The following ZNF362 variants were observed in gnomAD, a reference collection of about 807,000 sequenced individuals.
ZNF362 encodes the protein rotund homolog.
ZNF362 carries 11 observed loss-of-function variants against 42.9 expected under a neutral mutation model. That is an observed-to-expected ratio of 0.26 (90% confidence interval 0.16 to 0.42). The LOEUF is 0.42. ZNF362 is among the 20% of genes least tolerant of loss of function. The pLI is 1.00. For missense variants in ZNF362, 362 were observed against 576.2 expected, an observed-to-expected ratio of 0.63 and a Z score of 3.81; for synonymous variants, 255 against 257.3, an observed-to-expected ratio of 0.99 and a Z score of 0.09.
At chr1:33,230,117 A>T in the ZNF362 span, among the ~76,000 whole-genome samples, 1 of 152,166 alleles carries the variant, frequency 6.6e-6, no homozygotes, top group Non-Finnish European at 1.5e-5. Flanking sequence ...ACCTATAACC[A>T]TAGCAGCTGA....
intron 6 of ZNF362, among the ~76,000 whole-genome samples, chr1:33,292,005 A>G (rs1646081907): frequency 1.3e-5 from 2 of 152,210 alleles, no homozygotes; most frequent in Admixed American, 6.5e-5. Context: ...CAGTCATGTC[A>G]TCTGCAAACA....
the ZNF362 span, among the ~76,000 whole-genome samples, chr1:33,245,718 G>A: frequency 6.6e-6 from 1 of 152,146 alleles, no homozygotes; most frequent in Non-Finnish European, 1.5e-5. Flanking sequence ...CGGGAAGATC[G>A]CTTGAGGCCA....
At chr1:33,184,820 A>G in the ZNF362 span, among the ~76,000 whole-genome samples, 2 of 152,018 alleles carry the variant, frequency 1.3e-5, no homozygotes, top group African/African-American at 2.4e-5. Context: ...TCGCTCTGTC[A>G]CCCTGGCTGG....
At chr1:33,167,373 A>G in the ZNF362 span, among the ~76,000 whole-genome samples, 1 of 152,202 alleles carries the variant, frequency 6.6e-6, no homozygotes, top group African/African-American at 2.4e-5. The surrounding 1 kb of genome is among the most constrained non-coding windows in gnomAD (Gnocchi z 4.2). Flanking sequence ...CCAGGGACTC[A>G]GTGATTATTT....
the ZNF362 span, among the ~76,000 whole-genome samples, chr1:33,234,063 T>G: frequency 1.3e-5 from 2 of 152,202 alleles, no homozygotes; most frequent in Admixed American, 1.3e-4. Flanking sequence ...CTTGAAGCAC[T>G]TGCTGTCTGC....
intron 2 of ZNF362, among the ~76,000 whole-genome samples, chr1:33,275,623 T>C (rs1377297033): frequency 6.6e-6 from 1 of 152,210 alleles, no homozygotes; most frequent in Non-Finnish European, 1.5e-5. Context: ...CCCCTGATTT[T>C]GAGAAGGATG....
intron 4 of ZNF362, among the ~76,000 whole-genome samples, chr1:33,278,610 A>G (rs898567555): frequency 6.6e-6 from 1 of 152,250 alleles, no homozygotes; most frequent in Admixed American, 6.5e-5. Flanking sequence ...CCCTAGAGAG[A>G]ACCACAATTA....
At chr1:33,256,052 G>T (rs576996876), upstream of ZNF362, among the ~76,000 whole-genome samples, 182 of 151,780 alleles carry the variant, frequency 1.2e-3, 2 homozygotes, top group African/African-American at 4.2e-3. Context: ...GCTGTCCTAG[G>T]GCCGGGCGCC....
rs1319424107 is a variant in ZNF362, at chr1:33,280,128, G to A, written c.354G>A (p.Leu118=). The A allele has an allele frequency of 1.9e-6, 3 of 1,570,224 alleles. No homozygotes were observed. Among genetic ancestry groups the A allele is most frequent in the Admixed American group, 3.4e-5 (2 of 58,000 alleles). Residue 118 remains leucine, a synonymous_variant, in exon 5 of 9, where the codon CTG becomes CTA. Coordinates refer to ENST00000539719, the MANE Select transcript of ZNF362 (RefSeq NM_152493.3). The surrounding 1 kb of genome is among the most constrained non-coding windows in gnomAD (Gnocchi z 5.6). ...ARPATSTVTG[L]GLSTRTPSVS... ...CCCACCCACCTGTCTTCGCAGGTCTGGGGCTGTCCACCCGGACCCCGTCTG... is the reference window on the plus strand; with the variant it reads ...CCCACCCACCTGTCTTCGCAGGTCTAGGGCTGTCCACCCGGACCCCGTCTG...
chr1:33,140,917 G>A, the ZNF362 span, among the ~76,000 whole-genome samples: 1 of 152,168 alleles, frequency 6.6e-6, no homozygotes, highest in South Asian at 2.1e-4. This position sits in a 1 kb window ranked among gnomAD's most constrained non-coding sequence, Gnocchi z 4.0. Flanking sequence ...GGGGTAGGAG[G>A]AGACACCAGA....
the ZNF362 span, among the ~76,000 whole-genome samples, chr1:33,234,291 G>T: frequency 6.6e-6 from 1 of 152,078 alleles, no homozygotes; most frequent in Non-Finnish European, 1.5e-5. Flanking sequence ...ACTAACACCT[G>T]CCATGAAAGA....
chr1:33,250,478 A>G, the ZNF362 span, among the ~76,000 whole-genome samples: 6 of 152,218 alleles, frequency 3.9e-5, no homozygotes, highest in African/African-American at 1.4e-4. Flanking sequence ...CAGCAAACTA[A>G]TGCAGGAACA....
the ZNF362 span, among the ~76,000 whole-genome samples, chr1:33,205,208 G>C: frequency 6.6e-6 from 1 of 152,146 alleles, no homozygotes; most frequent in African/African-American, 2.4e-5. Flanking sequence ...GAATGGCTGG[G>C]CACAGCGGCT....
At chr1:33,229,348 A>G in the ZNF362 span, among the ~76,000 whole-genome samples, 2 of 151,586 alleles carry the variant, frequency 1.3e-5, no homozygotes, top group African/African-American at 4.9e-5. Flanking sequence ...GAATGAGTGG[A>G]TCCCAGGCAG....
intron 1 of ZNF362, 140 bp from the exon 2 acceptor site, chr1:33,270,347 A>G (rs1645893152): frequency 8.2e-6 from 4 of 489,872 alleles, no homozygotes; most frequent in South Asian, 8.1e-5. Context: ...TCTGTGCTGC[A>G]CGTGCATCTC....
the ZNF362 span, among the ~76,000 whole-genome samples, chr1:33,160,162 A>C: frequency 2.2e-4 from 33 of 152,204 alleles, no homozygotes; most frequent in South Asian, 4.2e-4. Flanking sequence ...CAGGTGAGAA[A>C]ATGAGGCCTG....
chr1:33,148,363 A>G, the ZNF362 span, among the ~76,000 whole-genome samples: 3 of 152,190 alleles, frequency 2.0e-5, no homozygotes, highest in Non-Finnish European at 2.9e-5. Context: ...TTTAATATAT[A>G]CTGAATATTT....
At chr1:33,241,427 A>G in the ZNF362 span, among the ~76,000 whole-genome samples, 4 of 151,042 alleles carry the variant, frequency 2.6e-5, no homozygotes, top group South Asian at 6.3e-4. Flanking sequence ...CCTGTGGGGG[A>G]GGAGGTTGCA....
At chr1:33,143,451 A>G in the ZNF362 span, among the ~76,000 whole-genome samples, 1 of 152,288 alleles carries the variant, frequency 6.6e-6, no homozygotes, top group East Asian at 1.9e-4. Context: ...ATCTGAGAGG[A>G]TGGGGGAGGG....
Sources: allele counts gnomAD v4.1 joint callset (sites outside exome capture counted in the v4.1 genomes callset), GRCh38; gene constraint gnomAD v4.1.1; non-coding constraint Gnocchi (gnomAD v3.1); transcripts MANE v1.5; gene names NCBI Gene and HGNC (gene_info 2026-07-23, HGNC 2026-07-21).